The following ZXDC variants were observed in gnomAD, a reference collection of about 807,000 sequenced individuals.
The protein encoded by ZXDC is ZXD family zinc finger C.
ZXDC carries 58 observed loss-of-function variants against 63.6 expected under a neutral mutation model. The observed-to-expected ratio is 0.91, with a 90% CI of 0.74 to 1.13. ZXDC has a LOEUF of 1.13. Among genes scored for constraint, ZXDC ranks in the 50% most tolerant of loss-of-function variants. The pLI is 0.00. For synonymous variants in ZXDC, 561 were observed against 496.1 expected (o/e 1.13, Z -1.74); for missense variants, 1,133 against 1,148.9 (o/e 0.99, Z 0.20).
At chr3:126,444,659 T>G (rs190465786) in intron 7 of ZXDC, among the ~76,000 whole-genome samples, 27 of 152,366 alleles carry the variant, frequency 1.8e-4, no homozygotes, top group Admixed American at 1.8e-3. Flanking sequence ...CAAGTATTTA[T>G]TATCAAGTTT....
At chr3:126,473,283 C>A (rs1935045760) in intron 1 of ZXDC, among the ~76,000 whole-genome samples, 1 of 152,154 alleles carries the variant, frequency 6.6e-6, no homozygotes, top group Non-Finnish European at 1.5e-5. Flanking sequence ...ATAATTACAC[C>A]CTTTGGTTCT....
chr3:126,458,666 T>G, intron 7 of ZXDC: 7 of 985,406 alleles, frequency 7.1e-6, no homozygotes, highest in Non-Finnish European at 8.4e-6. Flanking sequence ...ACTTGAATGT[T>G]TGTCTCTTTT....
chr3:126,467,568 G>T (rs1168806881), intron 4 of ZXDC, among the ~76,000 whole-genome samples: 1 of 152,216 alleles, frequency 6.6e-6, no homozygotes, highest in African/African-American at 2.4e-5. Context: ...GATACGGCCA[G>T]ATGAGTAAGG....
At chr3:126,445,183 G>A (rs768572092) in intron 7 of ZXDC, among the ~76,000 whole-genome samples, 8 of 152,132 alleles carry the variant, frequency 5.3e-5, no homozygotes, top group Admixed American at 1.3e-4. Context: ...CTAACAACTC[G>A]TCTAGGGATA....
chr3:126,457,464 T>A (rs1576675632), intron 7 of ZXDC: 1 of 985,394 alleles, frequency 1.0e-6, no homozygotes, highest in South Asian at 4.7e-5. Context: ...AGGATGTGGG[T>A]GGCACTGACA....
intron 7 of ZXDC, chr3:126,457,763 A>C (rs963581437): frequency 4.9e-6 from 3 of 613,254 alleles, no homozygotes; most frequent in Non-Finnish European, 6.1e-6. Context: ...ACCCCTAAGA[A>C]ATGAGTGGAT....
chr3:126,459,538 G>A, intron 7 of ZXDC, 115 bp downstream of exon 7: 1 of 1,551,548 alleles, frequency 6.4e-7, no homozygotes, highest in Admixed American at 2.0e-5. Context: ...AGGGTATTCT[G>A]AACAGAAAAG....
Position 126,472,021 on chromosome 3 carries a change from C to T in ZXDC, c.1091G>A (p.Ser364Asn). The change falls in exon 3 of 10, where the codon AGC (serine) becomes AAC (asparagine). Residue 364 changes from serine (S) to asparagine (N), a missense_variant. Ser to Asn is a conservative substitution (Grantham distance 46). Transcript: ENST00000389709. ...CATGCTGGTGAAGGTCCAGCCACAG[C>T]TGTCAGAGTCACAAATAAATGGTCT... is the stretch of plus-strand genomic sequence containing the variant. ...GERPFICDSD[S>N]CGWTFTSMSK... 1 of 1,613,740 alleles carries T rather than the reference C, an allele frequency of 6.2e-7. No homozygotes were observed. The highest frequency in any genetic ancestry group is 8.5e-7 in the Non-Finnish European group (1 of 1,179,892).
intron 9 of ZXDC, 30 bp downstream of exon 9, chr3:126,439,602 G>C (rs1236847670): frequency 1.9e-5 from 30 of 1,551,386 alleles, no homozygotes; most frequent in Non-Finnish European, 1.7e-6. Flanking sequence ...GTCTCAATAA[G>C]AAAAACAAAG....
rs1934198316 is a variant in ZXDC, at chr3:126,453,717, G to A, written c.2212+5936C>T. On this transcript the variant is annotated intron_variant, in intron 7 of 9. Coordinates refer to ENST00000389709, the MANE Select transcript of ZXDC (RefSeq NM_025112.5). ...ATTTTTTTTCTTTTTTTTTGGCGAA[G>A]GAGTTTCGCTCTTGTTGCCCAGGCT... 7 of 983,178 alleles carry A rather than the reference G, an allele frequency of 7.1e-6. No homozygotes were observed. The Admixed American group carries it at 3.1e-4, about 43-fold the overall frequency. The allele number at this position is 983,178 out of a possible 1,614,324, so 60.9% of individuals were successfully genotyped here. A position where few individuals can be genotyped will look rare whatever the true frequency, so the allele number is the denominator to read the frequency against.
rs997028710 is a variant in ZXDC at position 126,463,381 on chromosome 3, C to G, written c.1442-1161G>C. On this transcript the variant is annotated intron_variant, in intron 5 of 9. Transcript: ENST00000389709. ...ACCACGCCTGCAGCATGTCATGATT[C>G]TAACAGGCCCTTCTTCATCTGGAGT... 2.6e-5 allele frequency among the ~76,000 whole-genome samples: 4 copies of G among 152,270 alleles called. No homozygotes were observed. The East Asian group carries it at 7.7e-4, about 29-fold the overall frequency.
chr3:126,457,099 G>A (rs1934338002), intron 7 of ZXDC, among the ~76,000 whole-genome samples: 1 of 152,236 alleles, frequency 6.6e-6, no homozygotes, highest in Non-Finnish European at 1.5e-5. Flanking sequence ...AGGAGACGGG[G>A]AGGGGTGACA....
intron 7 of ZXDC, among the ~76,000 whole-genome samples, chr3:126,455,349 C>T (rs1020917345): frequency 2.6e-5 from 4 of 152,156 alleles, no homozygotes; most frequent in African/African-American, 9.7e-5. Flanking sequence ...CAAAGCACAG[C>T]GTGGGTTAAC....
intron 3 of ZXDC, 89 bp downstream of exon 3, chr3:126,471,884 T>G: frequency 8.9e-7 from 1 of 1,129,260 alleles, no homozygotes; most frequent in Admixed American, 3.2e-5. Flanking sequence ...ACTTAAAAAA[T>G]GTCTACAGAT....
rs1015072866 is a variant in ZXDC at position 126,466,015 on chromosome 3, G to A, written c.1441+140C>T. ...AGAAAGTGGCAGAGAGTGCAAAAGA[G>A]GCCACTTGGCTTGGCAGCCACGCCC... is the stretch of plus-strand genomic sequence containing the variant. On this transcript the variant is annotated intron_variant, in intron 5 of 9. Transcript: ENST00000389709. The A allele has an allele frequency of 1.1e-5, 10 of 919,994 alleles. No homozygotes were observed. In the South Asian group the frequency reaches 1.2e-4, roughly 11 times the overall value. The allele number at this position is 919,994 out of a possible 1,614,324, so 57.0% of individuals were successfully genotyped here.
chr3:126,439,640 C>T lies in ZXDC; in HGVS notation c.2482G>A (p.Val828Ile), dbSNP rs1027630984. The part of the protein sequence containing the change: ...PFLTVDLPVY[V>I]LQEVLPSSGG... Reference sequence around the variant, plus strand: ...CAGTAAGGCATCCAGACCTGGAGGACGTAGACGGGCAGGTCCACAGTGAGG... The same window carrying T: ...CAGTAAGGCATCCAGACCTGGAGGATGTAGACGGGCAGGTCCACAGTGAGG... Residue 828 changes from valine (V) to isoleucine (I), a missense_variant, in exon 9 of 10, where the codon GTC becomes ATC. Val to Ile is a conservative substitution (Grantham distance 29). Transcript: ENST00000389709. The T allele has an allele frequency of 7.1e-6, 11 of 1,553,098 alleles. No homozygotes were observed. The highest frequency in any genetic ancestry group is 1.7e-4 in the Middle Eastern group (1 of 6,016).
In ZXDC at chr3:126,439,724, C is replaced by A. The variant is rs1229806388; in HGVS notation, c.2398G>T (p.Asp800Tyr). Reference sequence around the variant, plus strand: ...GGCAGGACACCTTCGCCGGAGGGGTCATCCTGGGAAGGCAACACAGAAAGG... The same window carrying A: ...GGCAGGACACCTTCGCCGGAGGGGTAATCCTGGGAAGGCAACACAGAAAGG... ...QGVQVQLVQD[D>Y]PSGEGVLPSA... The change falls in exon 9 of 10, where the codon GAC (aspartate) becomes TAC (tyrosine). Residue 800 changes from aspartate (D) to tyrosine (Y), a missense_variant. Coordinates refer to ENST00000389709, the MANE Select transcript of ZXDC (RefSeq NM_025112.5). The A allele has an allele frequency of 1.3e-6, 2 of 1,550,538 alleles. No individual in the cohort carries two copies. The highest frequency in any genetic ancestry group is 2.0e-5 in the Admixed American group (1 of 50,968).
Position 126,475,724 on chromosome 3 carries a change from C to T in ZXDC, c.142G>A (p.Asp48Asn), listed in dbSNP as rs1003416390. ...RRLLLVRGPE[D>N]GGPGARPGEA... is the part of the protein sequence containing the mutation. ...CCGGGCCGCGCCCCGGGCCCGCCATCTTCAGGGCCCCGCACCAGTAGCAGG... is the reference window on the plus strand; with the variant it reads ...CCGGGCCGCGCCCCGGGCCCGCCATTTTCAGGGCCCCGCACCAGTAGCAGG... The change falls in exon 1 of 10, where the codon GAT (aspartate) becomes AAT (asparagine). Residue 48 changes from aspartate to asparagine, a missense_variant. Asp to Asn is a conservative substitution (Grantham distance 23). Transcript: ENST00000389709. 25 of 1,243,134 alleles carry T rather than the reference C, an allele frequency of 2.0e-5. No individual in the cohort carries two copies. In the African/African-American group the frequency reaches 3.0e-4, roughly 15 times the overall value. 77.0% of individuals were successfully genotyped at this position (1,243,134 alleles called of 1,614,324 possible).
intron 4 of ZXDC, 27 bp from the exon 5 acceptor site, chr3:126,466,352 A>T (rs762393915): frequency 6.2e-7 from 1 of 1,613,898 alleles, no homozygotes; most frequent in Non-Finnish European, 8.5e-7. Context: ...AATGAGAGTG[A>T]AACCCAAGGA....
Sources: gnomAD v4.1 joint callset for allele counts (sites outside exome capture counted in the v4.1 genomes callset) on GRCh38, gnomAD v4.1.1 for gene constraint, MANE v1.5 for transcripts, NCBI Gene and HGNC (gene_info 2026-07-23, HGNC 2026-07-21) for gene names.